ROBO2: variants seen among roughly 807,000 people sequenced by gnomAD.
The protein encoded by ROBO2 is roundabout homolog 2.
ROBO2 carries 53 observed loss-of-function variants against 160.8 expected under a neutral mutation model. That is an observed-to-expected ratio of 0.33 (90% CI 0.26 to 0.41). ROBO2 has a LOEUF of 0.41. Among genes scored for constraint, ROBO2 ranks in the 10% least tolerant of loss-of-function variants. The pLI is 1.00. For synonymous variants in ROBO2, 664 were observed against 611.7 expected, an observed-to-expected ratio of 1.09 and a Z score of -1.26; for missense variants, 1,577 against 1,722.4, an observed-to-expected ratio of 0.92 and a Z score of 1.49.
intron 2 of ROBO2, among the ~76,000 whole-genome samples, chr3:76,467,214 T>C (rs1399888137): frequency 6.6e-6 from 1 of 152,102 alleles, no homozygotes; most frequent in Non-Finnish European, 1.5e-5. Context: ...ACTAGACTTG[T>C]CCTTTATTTT....
intron 2 of ROBO2, among the ~76,000 whole-genome samples, chr3:77,144,111 C>T (rs555613520): frequency 4.9e-4 from 74 of 152,320 alleles, no homozygotes; most frequent in African/African-American, 1.6e-3. Flanking sequence ...CTTTTCTGCA[C>T]AGACCAGCCA....
At chr3:77,039,986 G>T (rs1325123303) in exon 1 of ROBO2, 7 of 545,228 alleles carry the variant, frequency 1.3e-5, no homozygotes, top group Non-Finnish European at 1.6e-5. Context: ...GCCCGCAGCC[G>T]CCTGGTGCAC....
rs1039425859 is a variant in ROBO2 at position 76,925,159 on chromosome 3, C to A, written c.110-172855C>A. On this transcript the variant is annotated intron_variant, in intron 2 of 26. Transcript: ENST00000487694. ...CCGGGAGGCGGAGCTTGCAGTGAGC[C>A]GAGATCCCGCCACTGCACTCCAGCC... 1.5e-3 allele frequency among the ~76,000 whole-genome samples: 222 copies of A among 146,130 alleles called. 2 individuals carry two copies. The highest frequency in any genetic ancestry group is 0.015 in the Admixed American group (217 of 14,430).
In ROBO2 at chr3:77,214,290, C is replaced by T. The variant is rs530846079; in HGVS notation, c.388+115950C>T. Reference sequence around the variant, plus strand: ...GTATTGGGTGCATATATATTTAGGACAGTTAGCTCTTCTTGTTGAATTGAT... The same window carrying T: ...GTATTGGGTGCATATATATTTAGGATAGTTAGCTCTTCTTGTTGAATTGAT... On this transcript the variant is annotated intron_variant, in intron 2 of 25. Coordinates refer to ENST00000461745, the Ensembl canonical transcript of ROBO2. 9.2e-4 allele frequency among the ~76,000 whole-genome samples: 140 copies of T among 152,206 alleles called. 2 individuals are homozygous for T. The highest frequency in any genetic ancestry group is 6.2e-3 in the Admixed American group (95 of 15,274).
At chr3:77,511,994 C>T (rs931111917) in intron 5 of ROBO2, among the ~76,000 whole-genome samples, 2 of 151,894 alleles carry the variant, frequency 1.3e-5, no homozygotes, top group Non-Finnish European at 2.9e-5. Flanking sequence ...AGAGAACTGG[C>T]AAATATTCAC....
intron 2 of ROBO2, among the ~76,000 whole-genome samples, chr3:76,317,478 G>T (rs1348186849): frequency 6.6e-6 from 1 of 152,112 alleles, no homozygotes; most frequent in South Asian, 2.1e-4. Flanking sequence ...AAGCAACACT[G>T]TTGTTCAAAA....
At chr3:77,535,210 C>CT (rs59166969) in intron 6 of ROBO2, among the ~76,000 whole-genome samples, 287 of 143,396 alleles carry the variant, frequency 2.0e-3, no homozygotes, top group East Asian at 0.014. Flanking sequence ...TTTTCTTTTT[C>CT]TTTTTTTTTT....
At chr3:77,136,575 A>G (rs1265726224) in intron 2 of ROBO2, among the ~76,000 whole-genome samples, 3 of 149,534 alleles carry the variant, frequency 2.0e-5, no homozygotes, top group Non-Finnish European at 4.4e-5. Context: ...GTTGGGCTCA[A>G]GTAATCCTCC....
At chr3:76,446,622 A>G (rs373378561) in intron 2 of ROBO2, among the ~76,000 whole-genome samples, 17 of 152,124 alleles carry the variant, frequency 1.1e-4, no homozygotes, top group Admixed American at 2.0e-4. Flanking sequence ...GAGGCATCAC[A>G]CTACCTGACT....
intron 2 of ROBO2, among the ~76,000 whole-genome samples, chr3:76,026,993 G>A (rs766783817): frequency 4.0e-5 from 6 of 151,836 alleles, no homozygotes; most frequent in Non-Finnish European, 7.4e-5. Context: ...GGACTGCGCT[G>A]GGACAATCCA....
At chr3:76,544,281 C>T (rs540632909) in intron 2 of ROBO2, among the ~76,000 whole-genome samples, 13 of 152,136 alleles carry the variant, frequency 8.5e-5, no homozygotes, top group African/African-American at 3.1e-4. Context: ...GTTCATAAGA[C>T]CCTAATGTCT....
intron 2 of ROBO2, among the ~76,000 whole-genome samples, chr3:76,760,294 A>G (rs374808440): frequency 1.1e-4 from 17 of 151,932 alleles, no homozygotes; most frequent in African/African-American, 4.1e-4. Flanking sequence ...CGAAAGTAGT[A>G]TCCTCTATTT....
At chr3:77,540,187 T>C (rs772856004) in intron 6 of ROBO2, among the ~76,000 whole-genome samples, 5 of 152,174 alleles carry the variant, frequency 3.3e-5, no homozygotes, top group Non-Finnish European at 7.3e-5. Context: ...TTACAGGTAG[T>C]ATAGAAAGAG....
intron 2 of ROBO2, among the ~76,000 whole-genome samples, chr3:76,408,407 T>A (rs2075323161): frequency 6.6e-6 from 1 of 152,126 alleles, no homozygotes; most frequent in African/African-American, 2.4e-5. Flanking sequence ...ATTCAACTCT[T>A]TTGAAGCCTA....
chr3:77,463,568 T>C (rs1004146764), intron 2 of ROBO2, among the ~76,000 whole-genome samples: 19 of 151,682 alleles, frequency 1.3e-4, no homozygotes, highest in African/African-American at 4.6e-4. Context: ...AGATTATTAT[T>C]ATTATTGTTA....
chr3:76,713,445 C>T (rs554547504), intron 2 of ROBO2, among the ~76,000 whole-genome samples: 2 of 152,242 alleles, frequency 1.3e-5, no homozygotes, highest in South Asian at 4.1e-4. Flanking sequence ...TCTTCCCCCA[C>T]TGATGAATTT....
At chr3:77,595,798 G>A (rs1034862612) in intron 18 of ROBO2, among the ~76,000 whole-genome samples, 4 of 152,106 alleles carry the variant, frequency 2.6e-5, no homozygotes, top group Non-Finnish European at 4.4e-5. Context: ...GCAAGAAAGC[G>A]GTTGGGTCTT....
chr3:76,014,799 G>A (rs1258204351), intron 2 of ROBO2, among the ~76,000 whole-genome samples: 1 of 152,140 alleles, frequency 6.6e-6, no homozygotes, highest in African/African-American at 2.4e-5. Context: ...GCAGTGGCAC[G>A]TGCGTGTAGT....
intron 16 of ROBO2, among the ~76,000 whole-genome samples, chr3:77,582,408 T>C (rs1040014279): frequency 2.0e-5 from 3 of 152,296 alleles, no homozygotes; most frequent in African/African-American, 7.2e-5. Flanking sequence ...TTTAATCCAA[T>C]CTAGCAATCT....
Sources: gnomAD v4.1 joint callset for allele counts (sites outside exome capture counted in the v4.1 genomes callset) on GRCh38, gnomAD v4.1.1 for gene constraint, MANE v1.5 for transcripts, NCBI Gene and HGNC (gene_info 2026-07-23, HGNC 2026-07-21) for gene names.